Variants in RASEF observed in about 807,000 individuals in gnomAD.
RASEF encodes RAS and EF-hand domain containing.
Under a neutral mutation model 90.1 loss-of-function variants are expected in RASEF, and 68 were observed. The ratio of observed to expected loss-of-function variants is 0.75; its 90% CI spans 0.62 to 0.92. RASEF has a LOEUF of 0.92. RASEF is among the 40% of genes least tolerant of loss of function. The pLI is 0.00. For missense variants in RASEF, 949 were observed against 937.2 expected (o/e 1.01, Z -0.16); for synonymous variants, 331 against 345.2 (o/e 0.96, Z 0.46).
At chr9:83,124,265 T>C in the RASEF span, among the ~76,000 whole-genome samples, 17,169 of 152,262 alleles carry the variant, frequency 0.11, 983 homozygotes, top group African/African-American at 0.14. Context: ...CATGGGTGTA[T>C]GAATATCTGT....
chr9:83,014,721 C>T (rs780598510), intron 4 of RASEF, among the ~76,000 whole-genome samples: 12 of 152,122 alleles, frequency 7.9e-5, no homozygotes, highest in Non-Finnish European at 1.5e-4. Context: ...AGTACAGTGC[C>T]GGAGCCAGCC....
the RASEF span, among the ~76,000 whole-genome samples, chr9:83,193,163 A>T: frequency 6.6e-6 from 1 of 152,182 alleles, no homozygotes. Flanking sequence ...GAGCTCCCAC[A>T]CGCCTTCCTG....
At chr9:83,170,935 T>C in the RASEF span, among the ~76,000 whole-genome samples, 1 of 151,988 alleles carries the variant, frequency 6.6e-6, no homozygotes, top group Non-Finnish European at 1.5e-5. Flanking sequence ...GTTTGATTGC[T>C]CTGGCTATGA....
chr9:83,116,714 T>C, the RASEF span, among the ~76,000 whole-genome samples: 1 of 152,200 alleles, frequency 6.6e-6, no homozygotes, highest in Non-Finnish European at 1.5e-5. Flanking sequence ...CACAAATTTC[T>C]CAAATTCAAA....
At position 83,048,696 on chromosome 9, in the gene RASEF, G is replaced by A. The variant is rs1443385458; in HGVS notation, c.431+13741C>T. The A allele has an allele frequency of 7.1e-6, 7 of 985,286 alleles. No individual in the cohort carries two copies. The South Asian group carries it at 2.3e-4, about 33-fold the overall frequency. The allele number at this position is 985,286 out of a possible 1,614,324, so 61.0% of individuals were successfully genotyped here. On this transcript the variant is annotated intron_variant, in intron 1 of 16. Transcript: ENST00000376447. Reference sequence around the variant, plus strand: ...ACATTTACTTTTTCCATAGTGTTATGCCCTCAATTTAAATGACAGAGGAGA... The same window carrying A: ...ACATTTACTTTTTCCATAGTGTTATACCCTCAATTTAAATGACAGAGGAGA...
the RASEF span, among the ~76,000 whole-genome samples, chr9:83,158,614 G>A: frequency 1.1e-5 from 1 of 93,900 alleles, no homozygotes; most frequent in Admixed American, 1.2e-4. Context: ...ATACATATAT[G>A]TATATATGTA....
the RASEF span, among the ~76,000 whole-genome samples, chr9:83,122,576 T>C: frequency 1.5e-3 from 227 of 152,204 alleles, no homozygotes; most frequent in African/African-American, 5.3e-3. Context: ...GGGAGGTACC[T>C]CAAGAGCCAT....
the RASEF span, among the ~76,000 whole-genome samples, chr9:83,107,422 A>C: frequency 6.6e-6 from 1 of 152,232 alleles, no homozygotes; most frequent in South Asian, 2.1e-4. Flanking sequence ...ATTAGAAATC[A>C]AAAGGCTCCT....
the RASEF span, among the ~76,000 whole-genome samples, chr9:83,087,221 G>A: frequency 1.3e-5 from 2 of 152,062 alleles, no homozygotes; most frequent in South Asian, 2.1e-4. Flanking sequence ...TGCTGTGGAC[G>A]GAATTGTGTC....
intron 3 of RASEF, 103 bp from the exon 4 acceptor site, chr9:83,016,003 C>A: frequency 1.2e-6 from 1 of 808,904 alleles, no homozygotes; most frequent in Non-Finnish European, 2.1e-6. Context: ...AGGCTGACTT[C>A]AGTTCTCCTA....
At chr9:83,039,290 T>C (rs1282696164) in intron 1 of RASEF, among the ~76,000 whole-genome samples, 1 of 152,150 alleles carries the variant, frequency 6.6e-6, no homozygotes, top group Non-Finnish European at 1.5e-5. Flanking sequence ...GAGTTTTCTG[T>C]GGCTGTTTTA....
the RASEF span, among the ~76,000 whole-genome samples, chr9:83,184,246 T>A: frequency 6.6e-6 from 1 of 152,124 alleles, no homozygotes; most frequent in African/African-American, 2.4e-5. Context: ...GAGCTGTACC[T>A]TATGAGACTG....
chr9:83,095,431 G>A, the RASEF span, among the ~76,000 whole-genome samples: 2 of 150,262 alleles, frequency 1.3e-5, no homozygotes, highest in African/African-American at 4.9e-5. Flanking sequence ...CTTGGGTGAA[G>A]CTGGATAGGC....
the RASEF span, among the ~76,000 whole-genome samples, chr9:83,117,909 G>A: frequency 1.3e-5 from 2 of 152,128 alleles, no homozygotes; most frequent in African/African-American, 4.8e-5. Context: ...TGGAGGAGGT[G>A]GCAGAAATGT....
chr9:83,044,138 C>A (rs1470702931), intron 1 of RASEF, among the ~76,000 whole-genome samples: 1 of 152,132 alleles, frequency 6.6e-6, no homozygotes, highest in East Asian at 1.9e-4. Flanking sequence ...AAAATTTCTT[C>A]CTGTTCCTCA....
In RASEF at chr9:83,007,366, G is replaced by A. The variant is rs931998229; in HGVS notation, c.1028+71C>T. 3 of 1,205,782 alleles carry A rather than the reference G, an allele frequency of 2.5e-6. No individual in the cohort carries two copies. The African/African-American group carries it at 4.5e-5, about 18-fold the overall frequency. The allele number at this position is 1,205,782 out of a possible 1,614,324, so 74.7% of individuals were successfully genotyped here. A position where few individuals can be genotyped will look rare whatever the true frequency, so the allele number is the denominator to read the frequency against. On this transcript the variant is annotated intron_variant, in intron 7 of 16. Transcript: ENST00000376447. Reference sequence around the variant, plus strand: ...CAGAACATGGCAACTCACGTTCTATGTGTTATGTCTTTTATTAACTAAAAA... The same window carrying A: ...CAGAACATGGCAACTCACGTTCTATATGTTATGTCTTTTATTAACTAAAAA...
the RASEF span, among the ~76,000 whole-genome samples, chr9:83,180,590 A>T: frequency 6.6e-6 from 1 of 152,160 alleles, no homozygotes; most frequent in East Asian, 1.9e-4. Flanking sequence ...TAATAAGTGC[A>T]CTAATCATTA....
the RASEF span, among the ~76,000 whole-genome samples, chr9:83,080,742 A>C: frequency 2.2e-4 from 33 of 152,188 alleles, no homozygotes; most frequent in Non-Finnish European, 4.0e-4. Context: ...TAAGTACTGA[A>C]ATTCTGGTAT....
the RASEF span, among the ~76,000 whole-genome samples, chr9:83,088,979 G>T: frequency 6.6e-6 from 1 of 152,010 alleles, no homozygotes; most frequent in African/African-American, 2.4e-5. Flanking sequence ...TATGCCAAGT[G>T]ATTTTTGTTC....
Sources: allele counts gnomAD v4.1 joint callset (sites outside exome capture counted in the v4.1 genomes callset), GRCh38; gene constraint gnomAD v4.1.1; transcripts MANE v1.5; gene names NCBI Gene and HGNC (gene_info 2026-07-23, HGNC 2026-07-21).